Variants in SAMD12 observed in about 807,000 individuals in gnomAD.
SAMD12 encodes the protein sterile alpha motif domain containing 12, also known as sterile alpha motif domain-containing protein 12.
Under a neutral mutation model 15.0 loss-of-function variants are expected in SAMD12, and 9 were observed. That is an observed-to-expected ratio of 0.60 (90% CI 0.36 to 1.05). The LOEUF (loss-of-function observed/expected upper bound fraction) is 1.05. SAMD12 is among the 50% of genes least tolerant of loss of function. SAMD12 has a pLI of 0.01. For missense variants in SAMD12, 230 were observed against 234.2 expected (o/e 0.98, Z 0.12); for synonymous variants, 86 against 90.1 (o/e 0.96, Z 0.25).
intron 4 of SAMD12, among the ~76,000 whole-genome samples, chr8:118,274,421 ATGTTT>A (rs1423079774): frequency 2.0e-5 from 3 of 152,164 alleles, no homozygotes; most frequent in Admixed American, 2.0e-4. Flanking sequence ...ATTCATAATG[ATGTTT>A]TGTTTTATAC....
intron 3 of SAMD12, among the ~76,000 whole-genome samples, chr8:118,417,333 C>T (rs1216004115): frequency 6.6e-6 from 1 of 152,156 alleles, no homozygotes. Flanking sequence ...ATCCTCCCAC[C>T]TTGGCCTCCC....
chr8:118,399,616 C>A (rs1321199217), intron 3 of SAMD12, among the ~76,000 whole-genome samples: 3 of 152,156 alleles, frequency 2.0e-5, no homozygotes, highest in African/African-American at 7.2e-5. Context: ...GTGGGGTTGG[C>A]AGAGGTCTCG....
intron 1 of SAMD12, among the ~76,000 whole-genome samples, chr8:118,589,602 T>C (rs1236844559): frequency 6.6e-6 from 1 of 152,194 alleles, no homozygotes; most frequent in African/African-American, 2.4e-5. Context: ...CTCTTCTCAT[T>C]CATGAGGAGA....
chr8:118,138,325 G>A, the SAMD12 span, among the ~76,000 whole-genome samples: 1 of 152,206 alleles, frequency 6.6e-6, no homozygotes, highest in African/African-American at 2.4e-5. Context: ...GTTTATATGT[G>A]CCCCAAATTC....
At chr8:118,454,520 T>C (rs944278813) in intron 2 of SAMD12, among the ~76,000 whole-genome samples, 9 of 152,210 alleles carry the variant, frequency 5.9e-5, no homozygotes, top group Non-Finnish European at 1.2e-4. Flanking sequence ...TTTTAAAGTA[T>C]ATTCCCTACT....
intron 4 of SAMD12, among the ~76,000 whole-genome samples, chr8:118,259,984 C>A (rs1010011962): frequency 6.6e-6 from 1 of 152,092 alleles, no homozygotes; most frequent in Admixed American, 6.6e-5. Context: ...TTCCAAGTAG[C>A]TATTGAGCTC....
downstream of SAMD12, among the ~76,000 whole-genome samples, chr8:118,184,551 A>C: frequency 6.6e-6 from 1 of 152,160 alleles, no homozygotes; most frequent in Non-Finnish European, 1.5e-5. Flanking sequence ...GCTGGAGTGC[A>C]GTGGCGTGAT....
chr8:118,171,756 G>T, the SAMD12 span, among the ~76,000 whole-genome samples: 2 of 148,550 alleles, frequency 1.3e-5, no homozygotes, highest in Non-Finnish European at 3.0e-5. Context: ...TTTGGGTCAG[G>T]TCATGAAATT....
intron 4 of SAMD12, among the ~76,000 whole-genome samples, chr8:118,218,842 C>G (rs1812022104): frequency 1.3e-5 from 2 of 152,132 alleles, no homozygotes; most frequent in Non-Finnish European, 2.9e-5. Flanking sequence ...AGTTGACCTT[C>G]ATCTCCTCTT....
At chr8:118,203,756 G>A (rs1442309051) in intron 4 of SAMD12, among the ~76,000 whole-genome samples, 3 of 112,662 alleles carry the variant, frequency 2.7e-5, no homozygotes, top group African/African-American at 7.2e-5. Context: ...GACAGGCCCC[G>A]GTGTGTGATG....
At chr8:118,548,460 T>A (rs1410709865) in intron 2 of SAMD12, among the ~76,000 whole-genome samples, 1 of 151,356 alleles carries the variant, frequency 6.6e-6, no homozygotes. Context: ...TTAACTTGGT[T>A]AAGTTATGGT....
chr8:118,611,751 G>T (rs1828117235), intron 1 of SAMD12, among the ~76,000 whole-genome samples: 1 of 152,104 alleles, frequency 6.6e-6, no homozygotes, highest in East Asian at 1.9e-4. Flanking sequence ...TAGGAGTTCT[G>T]TAGTATTTGA....
chr8:118,325,724 C>G (rs1816534556), intron 4 of SAMD12, among the ~76,000 whole-genome samples: 1 of 152,142 alleles, frequency 6.6e-6, no homozygotes. Flanking sequence ...CCTCACTGCT[C>G]CCAACCCCAG....
chr8:118,536,441 C>G (rs13261964), intron 2 of SAMD12, among the ~76,000 whole-genome samples: 9,362 of 105,030 alleles, frequency 0.089, 773 homozygotes, highest in African/African-American at 0.29. Flanking sequence ...GACTGATACA[C>G]AAACACACAC....
intron 4 of SAMD12, among the ~76,000 whole-genome samples, chr8:118,262,643 C>A (rs1337670832): frequency 1.3e-5 from 2 of 152,078 alleles, no homozygotes; most frequent in Non-Finnish European, 2.9e-5. Context: ...AGAAAAGTTA[C>A]TGGAAAATAA....
intron 2 of SAMD12, among the ~76,000 whole-genome samples, chr8:118,577,098 T>A (rs2131249678): frequency 6.6e-6 from 1 of 152,316 alleles, no homozygotes; most frequent in Middle Eastern, 3.4e-3. Context: ...TTTTTGTGGA[T>A]CCACATTTCA....
exon 5 of SAMD12, chr8:118,197,597 T>C (rs1166828131): frequency 1.1e-6 from 1 of 925,966 alleles, no homozygotes; most frequent in Non-Finnish European, 1.8e-6. Context: ...ATCCAGTTAA[T>C]CTGTCCACGA....
intron 4 of SAMD12, among the ~76,000 whole-genome samples, chr8:118,303,163 G>T (rs780016623): frequency 6.6e-6 from 1 of 152,192 alleles, no homozygotes; most frequent in Admixed American, 6.5e-5. Flanking sequence ...AGCAAGAGAA[G>T]GATATGTGTG....
At chr8:118,563,905 T>C (rs986231628) in intron 2 of SAMD12, among the ~76,000 whole-genome samples, 1 of 152,188 alleles carries the variant, frequency 6.6e-6, no homozygotes, top group East Asian at 1.9e-4. Flanking sequence ...CAGGGTGCCA[T>C]CCTCAACAAA....
Sources: allele counts gnomAD v4.1 joint callset (sites outside exome capture counted in the v4.1 genomes callset), GRCh38; gene constraint gnomAD v4.1.1; transcripts MANE v1.5; gene names NCBI Gene and HGNC (gene_info 2026-07-23, HGNC 2026-07-21).